The following GLG1 variants were observed in gnomAD, a reference collection of about 807,000 sequenced individuals.
The protein encoded by GLG1 is golgi glycoprotein 1, also known as Golgi apparatus protein 1.
Under a neutral mutation model 160.5 loss-of-function variants are expected in GLG1, and 38 were observed. That is an observed-to-expected ratio of 0.24 (90% CI 0.18 to 0.31). GLG1 has a LOEUF of 0.31. Among genes scored for constraint, GLG1 ranks in the 10% least tolerant of loss-of-function variants. The pLI, the probability that GLG1 is intolerant of heterozygous loss-of-function variation, is 1.00. For missense variants in GLG1, 1,373 were observed against 1,505.2 expected (o/e 0.91, Z 1.45); for synonymous variants, 644 against 543.4 (o/e 1.19, Z -2.57).
At chr16:74,508,313 CAAAAAAAAAAAAAACCGTTA>C (rs1316522157) in intron 3 of GLG1, among the ~76,000 whole-genome samples, 2 of 106,220 alleles carry the variant, frequency 1.9e-5, no homozygotes, top group African/African-American at 7.8e-5. Context: ...ATTATTGATT[CAAAAAAAAAAAAAACCGTTA>C]AAAAAAAAAG....
chr16:74,539,634 A>G (rs2017778583), intron 1 of GLG1, among the ~76,000 whole-genome samples: 1 of 151,846 alleles, frequency 6.6e-6, no homozygotes. Context: ...GTGAGGTTAT[A>G]TCCCTATTCT....
chr16:74,469,300 C>T (rs1006564436), intron 16 of GLG1: 1 of 562,332 alleles, frequency 1.8e-6, no homozygotes, highest in African/African-American at 1.9e-5. Flanking sequence ...AAGGGGAAGC[C>T]ACACAGGGCA....
intron 2 of GLG1, among the ~76,000 whole-genome samples, chr16:74,514,474 G>A (rs977307487): frequency 4.6e-5 from 7 of 152,170 alleles, no homozygotes; most frequent in African/African-American, 1.7e-4. Flanking sequence ...GACGAGAGTG[G>A]GGGCCAATAT....
intron 1 of GLG1, among the ~76,000 whole-genome samples, chr16:74,561,252 C>A (rs557132096): frequency 6.6e-6 from 1 of 152,330 alleles, no homozygotes; most frequent in South Asian, 2.1e-4. Context: ...TAGGCCTGCA[C>A]CCTCACACCC....
At chr16:74,596,742 T>A (rs1278278337) in intron 1 of GLG1, among the ~76,000 whole-genome samples, 1 of 152,216 alleles carries the variant, frequency 6.6e-6, no homozygotes, top group Non-Finnish European at 1.5e-5. Flanking sequence ...ACAGCTGGAC[T>A]GACTTGTTTT....
intron 1 of GLG1, among the ~76,000 whole-genome samples, chr16:74,574,130 A>C (rs1456004572): frequency 1.3e-5 from 2 of 152,218 alleles, no homozygotes; most frequent in Non-Finnish European, 2.9e-5. Flanking sequence ...AAAGATACTA[A>C]AGGTCTAAAG....
At chr16:74,526,024 A>G (rs2017321897) in intron 2 of GLG1, among the ~76,000 whole-genome samples, 1 of 152,220 alleles carries the variant, frequency 6.6e-6, no homozygotes, top group African/African-American at 2.4e-5. Context: ...CTCCATCTCA[A>G]AAATAAATAA....
intron 1 of GLG1, among the ~76,000 whole-genome samples, chr16:74,534,132 A>C (rs1367300114): frequency 6.6e-6 from 1 of 152,170 alleles, no homozygotes; most frequent in Admixed American, 6.5e-5. Context: ...AGATTCTATT[A>C]TATAACACAG....
At chr16:74,484,502 C>G (rs1442633981) in intron 9 of GLG1, among the ~76,000 whole-genome samples, 1 of 151,798 alleles carries the variant, frequency 6.6e-6, no homozygotes, top group African/African-American at 2.4e-5. Flanking sequence ...GTGGCTCACA[C>G]CTGTAATCCC....
At chr16:74,501,278 T>C (rs377640151) in intron 4 of GLG1, among the ~76,000 whole-genome samples, 2 of 152,198 alleles carry the variant, frequency 1.3e-5, no homozygotes, top group South Asian at 2.1e-4. Context: ...CAGAAGTTCA[T>C]GTGTGAGTCT....
intron 1 of GLG1, among the ~76,000 whole-genome samples, chr16:74,555,672 G>GA (rs2018331856): frequency 1.3e-5 from 2 of 151,962 alleles, no homozygotes; most frequent in Non-Finnish European, 2.9e-5. Context: ...CTGGGCAACA[G>GA]AGAGAGATCC....
chr16:74,579,363 C>CT (rs1326680952), intron 1 of GLG1, among the ~76,000 whole-genome samples: 4 of 73,106 alleles, frequency 5.5e-5, no homozygotes, highest in African/African-American at 3.2e-4. Context: ...CTGCAGTGAG[C>CT]CGTGATTGTG....
chr16:74,454,672 A>C (rs1462248514), intron 25 of GLG1, among the ~76,000 whole-genome samples: 39 of 86,922 alleles, frequency 4.5e-4, no homozygotes, highest in Admixed American at 6.4e-4. Context: ...TCCCCAAAAA[A>C]AAAAAAAAAA....
chr16:74,465,543 A>C (rs2014968325), intron 19 of GLG1, 133 bp downstream of exon 19: 1 of 854,632 alleles, frequency 1.2e-6, no homozygotes, highest in African/African-American at 1.7e-5. Flanking sequence ...GCAGGCTCCC[A>C]GGGGGTGCTG....
chr16:74,541,360 C>CT (rs1345522326), intron 1 of GLG1, among the ~76,000 whole-genome samples: 1 of 148,282 alleles, frequency 6.7e-6, no homozygotes, highest in South Asian at 2.1e-4. Flanking sequence ...AAATCAGCTA[C>CT]TCATGGTATT....
chr16:74,471,334 A>G, intron 14 of GLG1, 48 bp from the exon 15 acceptor site: 1 of 1,066,004 alleles, frequency 9.4e-7, no homozygotes. Flanking sequence ...CAATTAATGA[A>G]CAAAACTTGT....
Position 74,477,531 on chromosome 16 carries a change from G to A in GLG1, c.1830C>T (p.Leu610=), listed in dbSNP as rs748929932. The A allele has an allele frequency of 5.0e-6, 8 of 1,610,396 alleles. No homozygotes were observed. Among genetic ancestry groups the A allele is most frequent in the Admixed American group, 3.4e-5 (2 of 59,150 alleles). Reference sequence around the variant, plus strand: ...GGACTTCAGCTCGGCACTCCCGTGAGAGCTGCATGAGAAAAAATGAGCTAA... The same window carrying A: ...GGACTTCAGCTCGGCACTCCCGTGAAAGCTGCATGAGAAAAAATGAGCTAA... ...AYRTEEQGRR[L]SRECRAEVQR... is the part of the protein sequence containing the mutation. Residue 610 remains leucine (L), a splice_region_variant and synonymous_variant, in exon 12 of 26, where the codon CTC becomes CTT. Coordinates refer to ENST00000422840, the MANE Select transcript of GLG1 (RefSeq NM_001145667.2).
chr16:74,477,997 T>TAAATAAATAAATA (rs2015453149), intron 11 of GLG1, among the ~76,000 whole-genome samples: 1 of 150,812 alleles, frequency 6.6e-6, no homozygotes, highest in Non-Finnish European at 1.5e-5. Context: ...AATAAATAAA[T>TAAATAAATAAATA]AAATAAATAA....
chr16:74,463,164 C>T (rs1194928442), intron 20 of GLG1, 192 bp downstream of exon 20: 6 of 577,368 alleles, frequency 1.0e-5, no homozygotes, highest in Non-Finnish European at 1.8e-5. Context: ...TTCTTGTGGC[C>T]TCCTCTCTCC....
Sources: gnomAD v4.1 joint callset for allele counts (sites outside exome capture counted in the v4.1 genomes callset) on GRCh38, gnomAD v4.1.1 for gene constraint, MANE v1.5 for transcripts, NCBI Gene and HGNC (gene_info 2026-07-23, HGNC 2026-07-21) for gene names.